The following TNNI3K variants were observed in gnomAD, a reference collection of about 807,000 sequenced individuals.
TNNI3K encodes the protein TNNI3 interacting kinase, also known as serine/threonine-protein kinase TNNI3K.
TNNI3K carries 140 observed loss-of-function variants against 114.5 expected under a neutral mutation model. The observed-to-expected ratio is 1.22, with a 90% CI of 1.07 to 1.41. TNNI3K has a LOEUF of 1.41. Ranked by LOEUF, TNNI3K falls within the 40% of genes most tolerant of loss-of-function variation. The pLI, the probability that TNNI3K is intolerant of heterozygous loss-of-function variation, is 0.00. For synonymous variants in TNNI3K, 347 were observed against 347.5 expected (o/e 1.00, Z 0.02); for missense variants, 1,125 against 1,007.6 (o/e 1.12, Z -1.58).
chr1:74,273,537 TA>T (rs1158141797), intron 5 of TNNI3K, among the ~76,000 whole-genome samples: 2 of 151,962 alleles, frequency 1.3e-5, no homozygotes, highest in Non-Finnish European at 2.9e-5. Context: ...CTTTTTTTCC[TA>T]ATGTTGTTTT....
At chr1:74,521,243 C>T (rs917563195) in intron 23 of TNNI3K, among the ~76,000 whole-genome samples, 2 of 152,162 alleles carry the variant, frequency 1.3e-5, no homozygotes, top group Non-Finnish European at 2.9e-5. Flanking sequence ...CTGCCATTTT[C>T]TCTGTGCGAT....
intron 20 of TNNI3K, among the ~76,000 whole-genome samples, chr1:74,460,167 C>T (rs1430583440): frequency 1.3e-5 from 2 of 151,988 alleles, no homozygotes; most frequent in Non-Finnish European, 1.5e-5. Flanking sequence ...CCTCTGCCTC[C>T]CAGGTTGAAG....
intron 20 of TNNI3K, among the ~76,000 whole-genome samples, chr1:74,440,642 A>G (rs1409796842): frequency 6.6e-6 from 1 of 152,064 alleles, no homozygotes; most frequent in Non-Finnish European, 1.5e-5. Flanking sequence ...TTCACAGGTT[A>G]TGTGCTCTGT....
intron 21 of TNNI3K, chr1:74,472,231 A>G: frequency 1.4e-6 from 1 of 714,674 alleles, no homozygotes; most frequent in Non-Finnish European, 2.6e-6. Flanking sequence ...AGAATTTAGC[A>G]CTTAGCAGAG....
In TNNI3K at chr1:74,370,288, G is replaced by T. The variant is rs764942265; in HGVS notation, c.1668G>T (p.Arg556Ser). ...SLFSLLHEQK[R>S]ILDLQSKLII... is the part of the protein sequence containing the mutation. ...TGTTAAATCTATTTTTAAATTCTAG[G>T]ATTCTTGATTTGCAGTCTAAATTAA... Residue 556 changes from arginine (R) to serine (S), a missense_variant and splice_region_variant, in exon 17 of 25, where the codon AGG (arginine) becomes AGT (serine). By Grantham distance (110) the Arg-to-Ser change is moderately radical. Coordinates refer to ENST00000326637, the MANE Select transcript of TNNI3K (RefSeq NM_015978.3). 1 of 1,584,506 alleles carries T rather than the reference G, an allele frequency of 6.3e-7. No individual in the cohort carries two copies. Among genetic ancestry groups the T allele is most frequent in the South Asian group, 1.2e-5 (1 of 86,362 alleles).
rs557846995 is a variant in TNNI3K, at chr1:74,543,823, T to C, written c.2432-83T>C. 1.5e-5 allele frequency: 23 copies of C among 1,510,060 alleles called. No homozygotes were observed. The African/African-American group carries it at 3.0e-4, about 20-fold the overall frequency. 93.5% of individuals were successfully genotyped at this position (1,510,060 alleles called of 1,614,324 possible). ...GTCTGTTCACATGATCTGGAAGACC[T>C]GCCTGGTTCAGGCTGGTTATAAAAA... On this transcript the variant is annotated intron_variant, in intron 24 of 24. Coordinates refer to ENST00000326637, the MANE Select transcript of TNNI3K (RefSeq NM_015978.3).
At chr1:74,480,649 G>C (rs1668443913) in intron 21 of TNNI3K, 2 of 717,306 alleles carry the variant, frequency 2.8e-6, no homozygotes, top group Middle Eastern at 2.3e-4. Flanking sequence ...CATCCAGCTG[G>C]AGCCGGGTCA....
intron 21 of TNNI3K, among the ~76,000 whole-genome samples, chr1:74,465,541 C>CA (rs1491111666): frequency 6.6e-6 from 1 of 151,344 alleles, no homozygotes; most frequent in Non-Finnish European, 1.5e-5. Flanking sequence ...CGAGTCCCCC[C>CA]CCAACCGTGG....
intron 2 of TNNI3K, among the ~76,000 whole-genome samples, chr1:74,245,164 G>A (rs1027834023): frequency 6.6e-6 from 1 of 152,180 alleles, no homozygotes; most frequent in Admixed American, 6.5e-5. Flanking sequence ...AGTAGCATCT[G>A]ATAAGATATT....
At chr1:74,385,413 C>T (rs1663421782) in intron 17 of TNNI3K, among the ~76,000 whole-genome samples, 1 of 152,106 alleles carries the variant, frequency 6.6e-6, no homozygotes, top group Non-Finnish European at 1.5e-5. Flanking sequence ...AACTGCCTAA[C>T]ATGGGTGGTA....
rs182587206 is a variant in TNNI3K at position 74,524,184 on chromosome 1, A to G, written c.2352-16050A>G. On this transcript the variant is annotated intron_variant, in intron 23 of 24. Transcript: ENST00000326637. ...CTTCTTTGTGAAAAGTCTTTAAAACACAGAGTAACCATGTAGCAATTACCA... is the reference window on the plus strand; with the variant it reads ...CTTCTTTGTGAAAAGTCTTTAAAACGCAGAGTAACCATGTAGCAATTACCA... 2.1e-3 allele frequency among the ~76,000 whole-genome samples: 313 copies of G among 152,350 alleles called. 1 individual carries two copies. Among genetic ancestry groups the G allele is most frequent in the African/African-American group, 7.2e-3 (300 of 41,600 alleles).
intron 11 of TNNI3K, among the ~76,000 whole-genome samples, chr1:74,362,276 G>C (rs372759470): frequency 6.6e-6 from 1 of 152,122 alleles, no homozygotes; most frequent in Non-Finnish European, 1.5e-5. Context: ...TATCATTACT[G>C]TGAAAGTTTG....
At chr1:74,451,480 A>G (rs555163060) in intron 20 of TNNI3K, among the ~76,000 whole-genome samples, 2 of 152,096 alleles carry the variant, frequency 1.3e-5, no homozygotes, top group African/African-American at 4.8e-5. Context: ...GCAATCTAGT[A>G]CCCCACAAAC....
intron 17 of TNNI3K, among the ~76,000 whole-genome samples, chr1:74,406,694 C>T (rs1664631076): frequency 6.6e-6 from 1 of 152,192 alleles, no homozygotes; most frequent in African/African-American, 2.4e-5. Context: ...CAGTTTAACA[C>T]ATTTATAGGT....
At chr1:74,491,949 T>C (rs1223044032) in intron 22 of TNNI3K, 148 bp from the exon 23 acceptor site, 25 of 1,243,244 alleles carry the variant, frequency 2.0e-5, no homozygotes, top group Non-Finnish European at 3.2e-6. Flanking sequence ...CTAGACTTTT[T>C]CCTGAAAGGA....
At chr1:74,254,300 T>C (rs1205870303) in intron 4 of TNNI3K, among the ~76,000 whole-genome samples, 1 of 152,226 alleles carries the variant, frequency 6.6e-6, no homozygotes, top group Non-Finnish European at 1.5e-5. Flanking sequence ...ATTGAGATGA[T>C]ATTAACATTG....
intron 5 of TNNI3K, among the ~76,000 whole-genome samples, chr1:74,301,230 T>C (rs1186409393): frequency 6.6e-6 from 1 of 152,046 alleles, no homozygotes; most frequent in Non-Finnish European, 1.5e-5. Flanking sequence ...TGAAACCCTG[T>C]CTCTACTAAA....
At chr1:74,327,325 G>A (rs1659962658) in intron 5 of TNNI3K, among the ~76,000 whole-genome samples, 1 of 149,788 alleles carries the variant, frequency 6.7e-6, no homozygotes, top group Non-Finnish European at 1.5e-5. Context: ...TTCCATCAGT[G>A]AAAAGTACCA....
chr1:74,540,865 T>C (rs1485267814), intron 24 of TNNI3K, among the ~76,000 whole-genome samples: 8 of 152,188 alleles, frequency 5.3e-5, no homozygotes, highest in Admixed American at 3.9e-4. Context: ...GGAACCATTT[T>C]ACACAGGACT....
Sources: allele counts gnomAD v4.1 joint callset (sites outside exome capture counted in the v4.1 genomes callset), GRCh38; gene constraint gnomAD v4.1.1; transcripts MANE v1.5; gene names NCBI Gene and HGNC (gene_info 2026-07-23, HGNC 2026-07-21).